YAE1: variants seen among roughly 807,000 people sequenced by gnomAD.
YAE1 encodes the protein protein YAE1 homolog.
A neutral mutation model predicts 23.0 loss-of-function variants in YAE1; 22 were observed. The ratio of observed to expected loss-of-function variants is 0.96; its 90% confidence interval spans 0.68 to 1.37. YAE1 has a LOEUF of 1.37. Among genes scored for constraint, YAE1 ranks in the 40% most tolerant of loss-of-function variants. The probability of loss-of-function intolerance (pLI) is 0.00; values close to 1 mark genes in which losing one functional copy is unlikely to be tolerated. For missense variants in YAE1, 260 were observed against 262.1 expected, an observed-to-expected ratio of 0.99 and a Z score of 0.06; for synonymous variants, 101 against 97.0, an observed-to-expected ratio of 1.04 and a Z score of -0.24.
rs539622288 is a variant in YAE1, at chr7:39,591,438, T to C, written c.252-18179T>C. ...CACTGACAATGTATTCTCTTAGTTTTCATTTATCTTAAAATGCCTTTTATT... is the reference window on the plus strand; with the variant it reads ...CACTGACAATGTATTCTCTTAGTTTCCATTTATCTTAAAATGCCTTTTATT... On this transcript the variant is annotated intron_variant, in intron 2 of 2. Coordinates refer to the YAE1 transcript ENST00000432096. 5.9e-5 allele frequency among the ~76,000 whole-genome samples: 9 copies of C among 152,360 alleles called. No homozygotes were observed. The East Asian group carries it at 1.7e-3, about 29-fold the overall frequency.
chr7:39,584,577 T>C (rs914779637), intron 2 of YAE1, among the ~76,000 whole-genome samples: 5 of 152,184 alleles, frequency 3.3e-5, no homozygotes, highest in Admixed American at 2.6e-4. Flanking sequence ...CTGACCCCGA[T>C]TGACTCCTGT....
chr7:39,605,143 C>T (rs1428003882), intron 2 of YAE1, among the ~76,000 whole-genome samples: 1 of 152,214 alleles, frequency 6.6e-6, no homozygotes, highest in Admixed American at 6.5e-5. Context: ...GACCATCTAG[C>T]AGCAATGTTG....
chr7:39,578,063 AG>A (rs1159510549), intron 2 of YAE1, among the ~76,000 whole-genome samples: 1 of 152,032 alleles, frequency 6.6e-6, no homozygotes, highest in African/African-American at 2.4e-5. Context: ...GTCTAGCTCG[AG>A]GTTTGTGAAT....
intron 2 of YAE1, among the ~76,000 whole-genome samples, chr7:39,582,853 T>C (rs1415957854): frequency 4.6e-5 from 7 of 152,186 alleles, no homozygotes; most frequent in Admixed American, 3.9e-4. Context: ...TGACAGATGG[T>C]GTTCAGCTGA....
At chr7:39,578,703 A>C (rs1790696027) in intron 2 of YAE1, among the ~76,000 whole-genome samples, 1 of 152,152 alleles carries the variant, frequency 6.6e-6, no homozygotes, top group Admixed American at 6.5e-5. Flanking sequence ...GAATATCAGA[A>C]GGAACAACCT....
rs375018997 is a variant in YAE1 at position 39,570,502 on chromosome 7, T to G, written c.130-4T>G. 2.9e-5 allele frequency: 46 copies of G among 1,608,052 alleles called. No individual in the cohort carries two copies. The African/African-American group carries it at 5.4e-4, about 19-fold the overall frequency. ...AGCTGCACTTCTCCATTACTTATTT[T>G]TAGGAAGGTTATAGAGATGGAATAG... On this transcript the variant is annotated splice_region_variant and splice_polypyrimidine_tract_variant and intron_variant, in intron 1 of 2. Coordinates refer to ENST00000223273, the MANE Select transcript of YAE1 (RefSeq NM_020192.5).
Position 39,609,651 on chromosome 7 carries a change from G to GC in YAE1, c.290dup (p.Leu98AlafsTer100). On this transcript the variant is annotated frameshift_variant, in exon 3 of 3. Transcript: ENST00000432096. LOFTEE classifies it low-confidence loss of function (END_TRUNC). ...GGATTGGAGCCTACTGGGCTTGAGAGCCCCGCTGAGGAGTCCGGAGGTTGG... is the reference window on the plus strand; with the variant it reads ...GGATTGGAGCCTACTGGGCTTGAGAGCCCCCGCTGAGGAGTCCGGAGGTTGG... 6.5e-7 allele frequency: 1 copy of GC among 1,535,622 alleles called. No individual in the cohort carries two copies. Among genetic ancestry groups the GC allele is most frequent in the African/African-American group, 1.4e-5 (1 of 73,188 alleles).
downstream of YAE1, chr7:39,610,337 A>G (rs1791193124): frequency 2.1e-6 from 1 of 476,126 alleles, no homozygotes; most frequent in Non-Finnish European, 4.1e-6. Context: ...GTTGCTATAC[A>G]TTTTTTGCAA....
In YAE1 at chr7:39,566,869, T is replaced by C. The variant is rs115688940; in HGVS notation, c.129+322T>C. ...TGGAGAGAAACATACACTATACTTA[T>C]TATGGCTGTCAAAGGACGTGTACGC... is the stretch of plus-strand genomic sequence containing the variant. On this transcript the variant is annotated intron_variant, in intron 1 of 2. Coordinates refer to ENST00000223273, the MANE Select transcript of YAE1 (RefSeq NM_020192.5). The C allele has an allele frequency of 1.2e-3, 279 of 229,172 alleles. 1 individual carries two copies. The highest frequency in any genetic ancestry group is 6.0e-3 in the African/African-American group (267 of 44,738). The allele number at this position is 229,172 out of a possible 1,614,324, so 14.2% of individuals were successfully genotyped here. A position where few individuals can be genotyped will look rare whatever the true frequency, so the allele number is the denominator to read the frequency against.
intron 2 of YAE1, among the ~76,000 whole-genome samples, chr7:39,605,158 G>A (rs1167725156): frequency 6.6e-6 from 1 of 152,170 alleles, no homozygotes; most frequent in Admixed American, 6.5e-5. Flanking sequence ...ATGTTGTTGA[G>A]AGATTCTTGC....
chr7:39,597,096 C>T (rs1790985956), intron 2 of YAE1, among the ~76,000 whole-genome samples: 1 of 152,156 alleles, frequency 6.6e-6, no homozygotes, highest in Admixed American at 6.5e-5. Context: ...CAAGGCTTGT[C>T]CCTTAAAGGA....
chr7:39,597,756 A>G (rs1282185748), intron 2 of YAE1, among the ~76,000 whole-genome samples: 5 of 152,074 alleles, frequency 3.3e-5, no homozygotes, highest in Non-Finnish European at 4.4e-5. Flanking sequence ...ACTTAACCCC[A>G]TCCTTTCACT....
At chr7:39,595,279 A>T (rs1489307750) in intron 2 of YAE1, among the ~76,000 whole-genome samples, 2 of 152,102 alleles carry the variant, frequency 1.3e-5, no homozygotes, top group Non-Finnish European at 2.9e-5. Flanking sequence ...CAAGCATCAC[A>T]TTCAATTATT....
intron 2 of YAE1, among the ~76,000 whole-genome samples, chr7:39,602,730 TTTTGTTTGTTTG>T (rs146264281): frequency 0.73 from 110,378 of 151,270 alleles, 41,875 homozygotes; most frequent in East Asian, 0.88. Flanking sequence ...AAGTTTGGTT[TTTTGTTTGTTTG>T]TTTGTTTGTT....
At chr7:39,604,467 G>A (rs1194662767) in intron 2 of YAE1, among the ~76,000 whole-genome samples, 2 of 152,286 alleles carry the variant, frequency 1.3e-5, no homozygotes, top group African/African-American at 4.8e-5. Flanking sequence ...AGGGTTTTAG[G>A]TATGTAGTGT....
At chr7:39,593,855 T>C (rs979118749) in intron 2 of YAE1, among the ~76,000 whole-genome samples, 2 of 152,374 alleles carry the variant, frequency 1.3e-5, no homozygotes, top group African/African-American at 4.8e-5. Context: ...ATAGTTACGA[T>C]AACTGCCTTA....
At chr7:39,600,776 G>A (rs1189090851) in intron 2 of YAE1, among the ~76,000 whole-genome samples, 1 of 152,154 alleles carries the variant, frequency 6.6e-6, no homozygotes, top group Non-Finnish European at 1.5e-5. Context: ...GAGGCAGAAG[G>A]TAATGCATTT....
At chr7:39,609,977 A>G (rs1465309975) in exon 3 of YAE1, 3 of 1,518,186 alleles carry the variant, frequency 2.0e-6, no homozygotes, top group Non-Finnish European at 2.6e-6. Flanking sequence ...TCAGAGGTGG[A>G]CACATTTAGA....
chr7:39,609,451 A>C, intron 2 of YAE1: 1 of 848,292 alleles, frequency 1.2e-6, no homozygotes, highest in Non-Finnish European at 1.8e-6. Flanking sequence ...TAATGATGTT[A>C]TCAAATTGGG....
Sources: gnomAD v4.1 joint callset for allele counts (sites outside exome capture counted in the v4.1 genomes callset) on GRCh38, gnomAD v4.1.1 for gene constraint, MANE v1.5 for transcripts, NCBI Gene and HGNC (gene_info 2026-07-23, HGNC 2026-07-21) for gene names.